DMXL1: variants seen among roughly 807,000 people sequenced by gnomAD.
DMXL1 encodes the protein Dmx like 1, also known as dmX-like protein 1.
In DMXL1, 99 loss-of-function variants were observed where a neutral mutation model predicts 319.2. The ratio of observed to expected loss-of-function variants is 0.31; its 90% CI spans 0.26 to 0.37. The LOEUF is 0.37. Ranked by LOEUF, DMXL1 falls within the 10% of genes least tolerant of loss-of-function variation. The pLI is 1.00. For missense variants in DMXL1, 3,745 were observed against 3,595.6 expected (o/e 1.04, Z -1.06); for synonymous variants, 1,385 against 1,235.2 (o/e 1.12, Z -2.54).
chr5:119,237,434 C>T lies in DMXL1; in HGVS notation c.8559+20C>T. ...TACCTGGTAAGCCAAGAATTTCTAC[C>T]TTTAAATAAAATTTGAATTTTCATT... On this transcript the variant is annotated intron_variant, in intron 40 of 43. Transcript: ENST00000539542. 1 of 1,474,694 alleles carries T rather than the reference C, an allele frequency of 6.8e-7. No individual in the cohort carries two copies. The highest frequency in any genetic ancestry group is 9.4e-7 in the Non-Finnish European group (1 of 1,065,888). The allele number at this position is 1,474,694 out of a possible 1,614,324, so 91.4% of individuals were successfully genotyped here. A position where few individuals can be genotyped will look rare whatever the true frequency, so the allele number is the denominator to read the frequency against.
At chr5:119,189,018 C>A (rs1778242676) in intron 28 of DMXL1, among the ~76,000 whole-genome samples, 1 of 152,028 alleles carries the variant, frequency 6.6e-6, no homozygotes, top group Non-Finnish European at 1.5e-5. Flanking sequence ...TGATGATTTG[C>A]ATTTTGTAAC....
At chr5:119,075,830 G>A (rs1205774234) in intron 1 of DMXL1, among the ~76,000 whole-genome samples, 2 of 151,976 alleles carry the variant, frequency 1.3e-5, no homozygotes, top group East Asian at 3.9e-4. Context: ...CTCCCAGGCT[G>A]CTGGGATTAC....
At chr5:119,239,847 C>G (rs908735386) in intron 41 of DMXL1, among the ~76,000 whole-genome samples, 2 of 151,488 alleles carry the variant, frequency 1.3e-5, no homozygotes, top group African/African-American at 4.9e-5. Flanking sequence ...ATCCCAGCTA[C>G]TCTGGGGGCT....
chr5:119,158,932 C>A (rs1771668155), intron 19 of DMXL1, among the ~76,000 whole-genome samples: 2 of 151,918 alleles, frequency 1.3e-5, no homozygotes, highest in African/African-American at 4.8e-5. Context: ...GGGATAATGG[C>A]CTATAATTTT....
chr5:119,237,655 A>T (rs1019024386), intron 40 of DMXL1, among the ~76,000 whole-genome samples: 1 of 152,012 alleles, frequency 6.6e-6, no homozygotes, highest in African/African-American at 2.4e-5. Context: ...ATACCCCCAG[A>T]TACCTATACA....
At chr5:119,123,268 G>C (rs1011035225) in intron 9 of DMXL1, among the ~76,000 whole-genome samples, 3 of 151,518 alleles carry the variant, frequency 2.0e-5, no homozygotes, top group African/African-American at 7.3e-5. Context: ...GTCCAGCTTC[G>C]GCTCGGCATC....
chr5:119,179,126 C>T (rs553158867), intron 28 of DMXL1, among the ~76,000 whole-genome samples: 12 of 152,050 alleles, frequency 7.9e-5, no homozygotes, highest in African/African-American at 2.9e-4. Flanking sequence ...ATTGTATCCC[C>T]GTTTAAAAAC....
intron 29 of DMXL1, among the ~76,000 whole-genome samples, chr5:119,193,383 A>G (rs769953286): frequency 1.3e-5 from 2 of 152,076 alleles, no homozygotes; most frequent in African/African-American, 2.4e-5. Flanking sequence ...CTCTTATTAT[A>G]TGGCTTGTTC....
At chr5:119,139,661 C>G (rs188658305) in intron 13 of DMXL1, among the ~76,000 whole-genome samples, 1 of 152,220 alleles carries the variant, frequency 6.6e-6, no homozygotes, top group African/African-American at 2.4e-5. Context: ...ACATAGACTC[C>G]CACACAATAA....
In DMXL1 at chr5:119,206,814, G is replaced by T. The variant is rs533620956; in HGVS notation, c.7864-20G>T. On this transcript the variant is annotated intron_variant, in intron 33 of 43. Coordinates refer to ENST00000539542, the MANE Select transcript of DMXL1 (RefSeq NM_001290321.3). ...TCTCATCTTTACTCTTTGTCATGTG[G>T]TTATTCTTTCTTGATGAAGTCATTA... The T allele has an allele frequency of 2.3e-5, 34 of 1,475,188 alleles. No individual in the cohort carries two copies. The Admixed American group carries it at 4.0e-4, about 17-fold the overall frequency. 91.4% of individuals were successfully genotyped at this position (1,475,188 alleles called of 1,614,324 possible).
chr5:119,166,581 T>G (rs1773486086), intron 21 of DMXL1, 35 bp from the exon 22 acceptor site: 2 of 1,570,396 alleles, frequency 1.3e-6, no homozygotes, highest in Non-Finnish European at 8.6e-7. Flanking sequence ...AAAATTGTAT[T>G]CCAAAATTTT....
chr5:119,173,121 C>G (rs1174122226), intron 25 of DMXL1, among the ~76,000 whole-genome samples: 1 of 152,018 alleles, frequency 6.6e-6, no homozygotes, highest in Admixed American at 6.6e-5. Flanking sequence ...GGCAGATCAC[C>G]TGAGGCCAGG....
At chr5:119,124,997 A>G (rs2149991888) in intron 9 of DMXL1, among the ~76,000 whole-genome samples, 1 of 152,340 alleles carries the variant, frequency 6.6e-6, no homozygotes, top group South Asian at 2.1e-4. Context: ...TCACTGTTAA[A>G]CATTTATGGT....
chr5:119,227,473 AT>A (rs1449089778), intron 38 of DMXL1, among the ~76,000 whole-genome samples: 1 of 152,018 alleles, frequency 6.6e-6, no homozygotes, highest in Non-Finnish European at 1.5e-5. Context: ...AGTCCTATAG[AT>A]TTGGGTTGAT....
chr5:119,208,549 T>C (rs895667854), intron 34 of DMXL1, among the ~76,000 whole-genome samples: 1 of 152,194 alleles, frequency 6.6e-6, no homozygotes, highest in African/African-American at 2.4e-5. Context: ...ATTTTTGTTT[T>C]GATGCTGTTT....
In DMXL1 at chr5:119,220,474, A is replaced by G. The variant is rs111259035; in HGVS notation, c.8016A>G (p.Ala2672=). ...TTACCATTTGACTTATTTTTCAGGC[A>G]AATAGAAACTGCATAGCAATCGCTT... The part of the protein sequence containing the change: ...DIITAFAVNK[A]NRNCIAIASS... Residue 2672 remains alanine (A), a splice_region_variant and synonymous_variant, in exon 36 of 44, where the codon GCA becomes GCG. Coordinates refer to ENST00000539542, the MANE Select transcript of DMXL1 (RefSeq NM_001290321.3). 9.7e-4 allele frequency: 1,566 copies of G among 1,612,434 alleles called. 18 individuals are homozygous for G. In the African/African-American group the frequency reaches 0.018, roughly 19 times the overall value.
intron 38 of DMXL1, among the ~76,000 whole-genome samples, chr5:119,231,734 G>T (rs1581459831): frequency 6.6e-6 from 1 of 152,342 alleles, no homozygotes; most frequent in East Asian, 1.9e-4. Flanking sequence ...TTTATAAGGT[G>T]TTCAAGGAAG....
Position 119,153,387 on chromosome 5 carries a change from C to A in DMXL1, c.4702+1351C>A, listed in dbSNP as rs186652914. Among the ~76,000 whole-genome samples, 159 of 152,250 alleles carry A rather than the reference C, an allele frequency of 1.0e-3. 1 individual carries two copies. The Middle Eastern group carries it at 0.034, about 33-fold the overall frequency. Reference sequence around the variant, plus strand: ...TGTATACAAAGTGGAATGATTAAGTCAAACTAAACATATCCATCACCTCAG... The same window carrying A: ...TGTATACAAAGTGGAATGATTAAGTAAAACTAAACATATCCATCACCTCAG... On this transcript the variant is annotated intron_variant, in intron 19 of 43. Transcript: ENST00000539542.
intron 5 of DMXL1, among the ~76,000 whole-genome samples, chr5:119,111,571 C>G (rs574793355): frequency 6.6e-6 from 1 of 151,996 alleles, no homozygotes; most frequent in African/African-American, 2.4e-5. Context: ...TAGGGAAAGA[C>G]TAAGAATGAC....
Sources: allele counts gnomAD v4.1 joint callset (sites outside exome capture counted in the v4.1 genomes callset), GRCh38; gene constraint gnomAD v4.1.1; transcripts MANE v1.5; gene names NCBI Gene and HGNC (gene_info 2026-07-23, HGNC 2026-07-21).